The following ABRAXAS2 variants were observed in gnomAD, a reference collection of about 807,000 sequenced individuals.
The protein encoded by ABRAXAS2 is BRISC complex subunit Abraxas 2.
A neutral mutation model predicts 49.0 loss-of-function variants in ABRAXAS2; 23 were observed. The observed-to-expected ratio is 0.47, with a 90% CI of 0.34 to 0.66. The LOEUF is 0.66. Ranked by LOEUF, ABRAXAS2 falls within the 30% of genes least tolerant of loss-of-function variation. The pLI is 0.01. For synonymous variants in ABRAXAS2, 168 were observed against 180.2 expected, an observed-to-expected ratio of 0.93 and a Z score of 0.54; for missense variants, 443 against 511.9, an observed-to-expected ratio of 0.87 and a Z score of 1.30.
At chr10:124,814,275 C>G (rs1384919598) in intron 2 of ABRAXAS2, among the ~76,000 whole-genome samples, 2 of 152,112 alleles carry the variant, frequency 1.3e-5, no homozygotes, top group African/African-American at 4.8e-5. Context: ...GAGGCATGAG[C>G]CACCACGCCC....
Position 124,834,897 on chromosome 10 carries a change from T to G in ABRAXAS2, c.1174T>G (p.Ser392Ala), listed in dbSNP as rs763898654. 3 of 1,614,086 alleles carry G rather than the reference T, an allele frequency of 1.9e-6. No individual in the cohort carries two copies. Among genetic ancestry groups the G allele is most frequent in the Non-Finnish European group, 2.5e-6 (3 of 1,180,014 alleles). ...TACAGAGCCTTCTAATAGTGAATAC[T>G]CACATTCAAAGGATTCTCGACCCAT... is the stretch of plus-strand genomic sequence containing the variant. ...DPTEPSNSEYSHSKDSRPMAH... is the reference protein window; with the variant it reads ...DPTEPSNSEYAHSKDSRPMAH... Residue 392 changes from serine to alanine, a missense_variant, in exon 9 of 9, where the codon TCA (serine) becomes GCA (alanine). Around this residue, in one of 3 missense-constraint regions of ABRAXAS2, gnomAD observed 230 missense variants for 237.0 expected, o/e 0.97. Coordinates refer to ENST00000298492, the MANE Select transcript of ABRAXAS2 (RefSeq NM_032182.4).
In ABRAXAS2 at chr10:124,834,497, T is replaced by C; in HGVS notation, c.779-5T>C. 6.2e-7 allele frequency: 1 copy of C among 1,606,554 alleles called. No homozygotes were observed. The highest frequency in any genetic ancestry group is 8.5e-7 in the Non-Finnish European group (1 of 1,175,176). On this transcript the variant is annotated splice_polypyrimidine_tract_variant and splice_region_variant and intron_variant, in intron 8 of 8. Coordinates refer to ENST00000298492, the MANE Select transcript of ABRAXAS2 (RefSeq NM_032182.4). ...AGTGTTAGAATATTCTTTGTTTTCA[T>C]CCAGGATTGCAGCAGGCAGTGTTAA...
At chr10:124,822,688 A>C (rs961192413) in intron 4 of ABRAXAS2, among the ~76,000 whole-genome samples, 3 of 151,850 alleles carry the variant, frequency 2.0e-5, no homozygotes, top group African/African-American at 7.3e-5. Flanking sequence ...GCTACTCGGA[A>C]GCCTGAGGCA....
At chr10:124,823,686 C>G (rs1050989401) in intron 4 of ABRAXAS2, among the ~76,000 whole-genome samples, 12 of 152,118 alleles carry the variant, frequency 7.9e-5, no homozygotes, top group Non-Finnish European at 1.0e-4. Context: ...AAAAATTGGC[C>G]GAGAAACATA....
chr10:124,834,815 A>G lies in ABRAXAS2; in HGVS notation c.1092A>G (p.Ala364=), dbSNP rs1950959540. ...CTGACCTTCCTCCTCCCCAAAGAGC[A>G]GCTGGAGACAGTGGTGAGGATTCAG... ...SGADLPPPQR[A]AGDSGEDSDD... The change falls in exon 9 of 9, where the codon GCA becomes GCG. Residue 364 remains alanine (A), a synonymous_variant. Coordinates refer to ENST00000298492, the MANE Select transcript of ABRAXAS2 (RefSeq NM_032182.4). The G allele has an allele frequency of 6.2e-7, 1 of 1,614,056 alleles. No individual in the cohort carries two copies. Among genetic ancestry groups the G allele is most frequent in the South Asian group, 1.1e-5 (1 of 91,092 alleles).
intron 4 of ABRAXAS2, among the ~76,000 whole-genome samples, chr10:124,822,073 G>A (rs959024043): frequency 5.3e-5 from 8 of 152,202 alleles, no homozygotes; most frequent in East Asian, 1.9e-4. Flanking sequence ...AAACCAAGCC[G>A]TCCAGCCTCA....
chr10:124,818,492 A>G (rs565271190), intron 3 of ABRAXAS2, among the ~76,000 whole-genome samples: 30 of 152,328 alleles, frequency 2.0e-4, no homozygotes, highest in Non-Finnish European at 4.3e-4. Context: ...TTTTGCAAAA[A>G]ATGGAATGGA....
At chr10:124,828,548 A>G (rs558750381) in intron 5 of ABRAXAS2, among the ~76,000 whole-genome samples, 4 of 151,602 alleles carry the variant, frequency 2.6e-5, no homozygotes, top group African/African-American at 9.7e-5. Flanking sequence ...TTTTATTTTT[A>G]GTAGAGACAG....
intron 7 of ABRAXAS2, among the ~76,000 whole-genome samples, chr10:124,830,053 T>C (rs888269142): frequency 6.6e-6 from 1 of 152,190 alleles, no homozygotes; most frequent in African/African-American, 2.4e-5. Context: ...CTCTAAAACC[T>C]AAGAACAAAA....
At chr10:124,808,992 G>A (rs1950766053) in intron 2 of ABRAXAS2, among the ~76,000 whole-genome samples, 1 of 152,046 alleles carries the variant, frequency 6.6e-6, no homozygotes, top group South Asian at 2.1e-4. Context: ...TTAGCCGGGT[G>A]TGGTGGCACA....
chr10:124,805,882 G>A (rs1289239930), intron 1 of ABRAXAS2, among the ~76,000 whole-genome samples: 2 of 152,192 alleles, frequency 1.3e-5, no homozygotes, highest in African/African-American at 4.8e-5. Flanking sequence ...TTTAGAGTAT[G>A]TCTTCTCCCA....
intron 2 of ABRAXAS2, among the ~76,000 whole-genome samples, chr10:124,815,225 C>G (rs1022411800): frequency 1.3e-5 from 2 of 151,718 alleles, no homozygotes; most frequent in African/African-American, 4.8e-5. Flanking sequence ...GACGGAGTCT[C>G]GCACTGTCAC....
chr10:124,833,397 C>A (rs1369679449), intron 8 of ABRAXAS2, among the ~76,000 whole-genome samples: 1 of 150,692 alleles, frequency 6.6e-6, no homozygotes, highest in Non-Finnish European at 1.5e-5. Flanking sequence ...CCTGACAGGT[C>A]AAGGCTGCAG....
At chr10:124,816,432 G>C (rs1257130581) in intron 2 of ABRAXAS2, 144 bp from the exon 3 acceptor site, 1 of 620,698 alleles carries the variant, frequency 1.6e-6, no homozygotes, top group Non-Finnish European at 2.9e-6. Flanking sequence ...ATTCAGACTG[G>C]TGTACATGTA....
chr10:124,818,103 ATAGACT>A (rs1367514418), intron 3 of ABRAXAS2, among the ~76,000 whole-genome samples: 2 of 152,160 alleles, frequency 1.3e-5, no homozygotes, highest in Non-Finnish European at 2.9e-5. Context: ...AGTTTAAAGA[ATAGACT>A]TAGTTGGCCG....
In ABRAXAS2 at chr10:124,807,250, T is replaced by G. The variant is rs1378549064; in HGVS notation, c.163+329T>G. ...ATGGCATGAACCTGGGAGGCGGAGG[T>G]TGCAGTGAGCCGAGATCGCGCCACT... is the stretch of plus-strand genomic sequence containing the variant. On this transcript the variant is annotated intron_variant, in intron 2 of 8. Coordinates refer to ENST00000298492, the MANE Select transcript of ABRAXAS2 (RefSeq NM_032182.4). 2.9e-5 allele frequency among the ~76,000 whole-genome samples: 4 copies of G among 136,446 alleles called. No homozygotes were observed. In the Admixed American group the frequency reaches 3.1e-4, roughly 10 times the overall value. 89.5% of individuals were successfully genotyped at this position (136,446 alleles called of 152,430 possible). A position where few individuals can be genotyped will look rare whatever the true frequency, so the allele number is the denominator to read the frequency against.
rs1423565721 is a variant in ABRAXAS2, at chr10:124,816,235, CT to C, written c.164-339del. 8.5e-5 allele frequency among the ~76,000 whole-genome samples: 13 copies of C among 152,254 alleles called. 1 individual carries two copies. The East Asian group carries it at 2.5e-3, about 29-fold the overall frequency. On this transcript the variant is annotated intron_variant, in intron 2 of 8. Transcript: ENST00000298492. ...AGCTTTTATCCCACTTGATTAAATG[CT>C]TCCAGTCAGTGGTTGCTTTTTCCCA...
At chr10:124,828,671 GC>G in intron 5 of ABRAXAS2, 84 bp from the exon 6 acceptor site, 1 of 1,319,728 alleles carries the variant, frequency 7.6e-7, no homozygotes. Context: ...ACCACACCCA[GC>G]CCTTTTTTTT....
At chr10:124,812,783 C>T (rs1950798816) in intron 2 of ABRAXAS2, among the ~76,000 whole-genome samples, 1 of 152,178 alleles carries the variant, frequency 6.6e-6, no homozygotes, top group Non-Finnish European at 1.5e-5. Flanking sequence ...GCATAGCTTA[C>T]CCTCCAGAAT....
Sources: gnomAD v4.1 joint callset for allele counts (sites outside exome capture counted in the v4.1 genomes callset) on GRCh38, gnomAD v4.1.1 for gene constraint, gnomAD v4.1.1 regional missense constraint, MANE v1.5 for transcripts, NCBI Gene and HGNC (gene_info 2026-07-23, HGNC 2026-07-21) for gene names.